The following DRC8 variants were observed in gnomAD, a reference collection of about 807,000 sequenced individuals.
The protein encoded by DRC8 is dynein regulatory complex protein 8.
chr1:245,034,471 T>C, the DRC8 span, among the ~76,000 whole-genome samples: 2 of 151,464 alleles, frequency 1.3e-5, no homozygotes, highest in Non-Finnish European at 2.9e-5. Context: ...CATGGTGGCA[T>C]GCACCTGTAA....
At chr1:245,041,683 A>AAGAGGTCTTTAAAGAGGTCTTTAAAGAG in the DRC8 span, among the ~76,000 whole-genome samples, 9 of 152,210 alleles carry the variant, frequency 5.9e-5, no homozygotes, top group Non-Finnish European at 1.5e-5. Flanking sequence ...GAGGTGATTA[A>AAGAGGTCTTTAAAGAGGTCTTTAAAGAG]GTTAAAAAGC....
At chr1:245,105,021 C>A in the DRC8 span, among the ~76,000 whole-genome samples, 11 of 152,200 alleles carry the variant, frequency 7.2e-5, no homozygotes, top group Admixed American at 2.0e-4. Flanking sequence ...TTGGACTTGT[C>A]CGATTGCATT....
At chr1:245,119,040 G>A in the DRC8 span, among the ~76,000 whole-genome samples, 2 of 152,188 alleles carry the variant, frequency 1.3e-5, no homozygotes, top group East Asian at 3.9e-4. Context: ...AGATGCTGGC[G>A]GAGCCCAACC....
the DRC8 span, chr1:245,059,561 A>G: frequency 3.7e-5 from 33 of 884,218 alleles, no homozygotes; most frequent in South Asian, 4.9e-4. Flanking sequence ...AGTGCCCCAA[A>G]CTACTGAATG....
At chr1:245,094,071 C>T in the DRC8 span, among the ~76,000 whole-genome samples, 3 of 152,142 alleles carry the variant, frequency 2.0e-5, no homozygotes, top group Non-Finnish European at 2.9e-5. Flanking sequence ...GGCTGGTAAC[C>T]ATTCCTGGTT....
At chr1:245,034,015 C>T in the DRC8 span, among the ~76,000 whole-genome samples, 1 of 152,178 alleles carries the variant, frequency 6.6e-6, no homozygotes, top group Non-Finnish European at 1.5e-5. Flanking sequence ...GCCACCACAG[C>T]CGGCATCTTT....
chr1:245,061,045 C>A, the DRC8 span, among the ~76,000 whole-genome samples: 1 of 152,156 alleles, frequency 6.6e-6, no homozygotes, highest in East Asian at 1.9e-4. Flanking sequence ...AAAAGGTTGC[C>A]AACTCCTGAT....
chr1:245,103,360 A>G, the DRC8 span, among the ~76,000 whole-genome samples: 1 of 1,692 alleles, frequency 5.9e-4, no homozygotes, highest in Non-Finnish European at 1.2e-3. Context: ...GTGGTCCTCT[A>G]TGGTCAGGAG....
At chr1:245,021,877 G>A in the DRC8 span, among the ~76,000 whole-genome samples, 1 of 152,098 alleles carries the variant, frequency 6.6e-6, no homozygotes, top group East Asian at 1.9e-4. Flanking sequence ...CTCTCTTTAT[G>A]TTGCCCAGGC....
the DRC8 span, among the ~76,000 whole-genome samples, chr1:245,110,726 A>G: frequency 6.6e-6 from 1 of 152,256 alleles, no homozygotes; most frequent in Non-Finnish European, 1.5e-5. Flanking sequence ...CAGGCTCTGC[A>G]ATTTGGGACA....
chr1:245,099,713 G>A, the DRC8 span, among the ~76,000 whole-genome samples: 5 of 152,306 alleles, frequency 3.3e-5, no homozygotes, highest in South Asian at 1.0e-3. Flanking sequence ...GACGATGTGA[G>A]GAAGGATGAC....
At chr1:245,081,053 T>C in the DRC8 span, among the ~76,000 whole-genome samples, 2 of 152,194 alleles carry the variant, frequency 1.3e-5, no homozygotes, top group South Asian at 4.1e-4. Flanking sequence ...GCTGGAGTGT[T>C]ATTTCCTCAT....
chr1:245,042,061 A>G, the DRC8 span, among the ~76,000 whole-genome samples: 1 of 152,192 alleles, frequency 6.6e-6, no homozygotes, highest in Admixed American at 6.5e-5. Context: ...ATTTATCACT[A>G]CCTAAAATTC....
chr1:245,013,149 GAACA>G, the DRC8 span, among the ~76,000 whole-genome samples: 1 of 47,214 alleles, frequency 2.1e-5, no homozygotes, highest in Admixed American at 2.1e-4. Flanking sequence ...AAAAAACAAA[GAACA>G]AACAAACAAA....
the DRC8 span, among the ~76,000 whole-genome samples, chr1:245,110,020 A>G: frequency 6.6e-6 from 1 of 152,158 alleles, no homozygotes; most frequent in Non-Finnish European, 1.5e-5. Flanking sequence ...AGTCCCTCCC[A>G]TTTTAATCTT....
At chr1:245,007,136 T>C in the DRC8 span, among the ~76,000 whole-genome samples, 1 of 152,100 alleles carries the variant, frequency 6.6e-6, no homozygotes, top group Admixed American at 6.6e-5. Flanking sequence ...AATAGAGTAG[T>C]AGTTTTTAAT....
chr1:245,009,291 C>G, the DRC8 span, among the ~76,000 whole-genome samples: 1 of 151,916 alleles, frequency 6.6e-6, no homozygotes, highest in Non-Finnish European at 1.5e-5. Context: ...CCTCGGCCTC[C>G]CAAAGTGCTG....
chr1:245,082,134 G>A, the DRC8 span: 6 of 1,612,896 alleles, frequency 3.7e-6, no homozygotes, highest in African/African-American at 1.3e-5. Context: ...ATTTCTTCCG[G>A]TGATGACAGA....
chr1:244,996,035 A>G, the DRC8 span, among the ~76,000 whole-genome samples: 1 of 152,216 alleles, frequency 6.6e-6, no homozygotes, highest in South Asian at 2.1e-4. Flanking sequence ...TTAGTGGCTT[A>G]AGACAATAAA....
Sources: allele counts gnomAD v4.1 joint callset (sites outside exome capture counted in the v4.1 genomes callset), GRCh38; gene constraint gnomAD v4.1.1; transcripts MANE v1.5; gene names NCBI Gene and HGNC (gene_info 2026-07-23, HGNC 2026-07-21).